Variants in EYA4 observed in about 807,000 individuals in gnomAD.
EYA4 encodes protein phosphatase EYA4.
A neutral mutation model predicts 87.9 loss-of-function variants in EYA4; 31 were observed. The observed-to-expected ratio is 0.35, with a 90% confidence interval of 0.27 to 0.48. The LOEUF (loss-of-function observed/expected upper bound fraction) is 0.48, where lower values mean the gene tolerates loss of function less well. Ranked by LOEUF, EYA4 falls within the 20% of genes least tolerant of loss-of-function variation. The pLI is 0.99. For synonymous variants in EYA4, 263 were observed against 270.6 expected, an observed-to-expected ratio of 0.97 and a Z score of 0.28; for missense variants, 678 against 761.4, an observed-to-expected ratio of 0.89 and a Z score of 1.29.
In EYA4 at chr6:133,327,490, T is replaced by G. The variant is rs374791712; in HGVS notation, c.33+52677T>G. ...GTGCTCAAAGATAGTCAAAATAAAT[T>G]AAAGCCATATAAAAGGACCAGTAGG... On this transcript the variant is annotated intron_variant, in intron 2 of 19. Coordinates refer to ENST00000355286, the MANE Select transcript of EYA4 (RefSeq NM_004100.5). Among the ~76,000 whole-genome samples, 43 of 152,220 alleles carry G rather than the reference T, an allele frequency of 2.8e-4. 1 individual carries two copies. In the South Asian group the frequency reaches 8.7e-3, roughly 31 times the overall value.
chr6:133,503,161 C>A (rs1798286632), intron 13 of EYA4, among the ~76,000 whole-genome samples: 1 of 152,134 alleles, frequency 6.6e-6, no homozygotes, highest in Non-Finnish European at 1.5e-5. Flanking sequence ...TGTTTGCATG[C>A]TTATCAGATG....
At chr6:133,465,961 TA>T (rs1192735857) in intron 10 of EYA4, among the ~76,000 whole-genome samples, 3 of 152,176 alleles carry the variant, frequency 2.0e-5, no homozygotes. Context: ...TTTTATTTTT[TA>T]AAATTGAGGT....
At chr6:133,331,824 G>A (rs988685613) in intron 2 of EYA4, among the ~76,000 whole-genome samples, 5 of 152,154 alleles carry the variant, frequency 3.3e-5, no homozygotes, top group African/African-American at 1.2e-4. Context: ...GTAATTTGGG[G>A]GTAAATTCCT....
At chr6:133,522,466 A>C (rs964198736) in intron 17 of EYA4, among the ~76,000 whole-genome samples, 1 of 152,124 alleles carries the variant, frequency 6.6e-6, no homozygotes, top group African/African-American at 2.4e-5. Context: ...TAGAATACAA[A>C]ATTGAATATA....
intron 14 of EYA4, chr6:133,510,305 A>C (rs1799035307): frequency 6.5e-6 from 1 of 154,666 alleles, no homozygotes; most frequent in African/African-American, 2.4e-5. Flanking sequence ...AGAAACACAG[A>C]AGTTATTTAC....
chr6:133,419,714 A>T (rs1790054598), intron 3 of EYA4, among the ~76,000 whole-genome samples: 1 of 152,222 alleles, frequency 6.6e-6, no homozygotes, highest in Non-Finnish European at 1.5e-5. Context: ...CCACCAAAAA[A>T]GTCTGTGCAA....
intron 3 of EYA4, among the ~76,000 whole-genome samples, chr6:133,423,178 G>A (rs560666945): frequency 3.3e-5 from 5 of 152,286 alleles, no homozygotes; most frequent in African/African-American, 1.2e-4. Context: ...AAAGGGGAAG[G>A]AGAGAGGGAA....
chr6:133,325,710 C>T (rs1327700509), intron 2 of EYA4, among the ~76,000 whole-genome samples: 1 of 152,138 alleles, frequency 6.6e-6, no homozygotes, highest in Admixed American at 6.5e-5. Context: ...CAGGGGTCAG[C>T]AGATGTTTTT....
chr6:133,445,143 T>C (rs1459519677), intron 3 of EYA4, among the ~76,000 whole-genome samples: 1 of 152,162 alleles, frequency 6.6e-6, no homozygotes, highest in Admixed American at 6.5e-5. Context: ...GATTACTCCA[T>C]GTACCCTAAA....
chr6:133,353,768 G>A (rs1273186521), intron 2 of EYA4, among the ~76,000 whole-genome samples: 1 of 152,162 alleles, frequency 6.6e-6, no homozygotes, highest in African/African-American at 2.4e-5. Flanking sequence ...TTACGTAAGG[G>A]TGGAGAGTAT....
chr6:133,243,028 G>A (rs1337445393), intron 1 of EYA4, among the ~76,000 whole-genome samples: 1 of 151,974 alleles, frequency 6.6e-6, no homozygotes, highest in Non-Finnish European at 1.5e-5. Context: ...TTTCTGCCAA[G>A]GTGCAGAATA....
rs369730015 is a variant in EYA4 at position 133,400,508 on chromosome 6, GA to G, written c.83+18078del. On this transcript the variant is annotated intron_variant, in intron 3 of 19. Coordinates refer to ENST00000355286, the MANE Select transcript of EYA4 (RefSeq NM_004100.5). The stretch of plus-strand genomic sequence containing the variant: ...GGGTGACAAAGCAAGACTCTGTCTT[GA>G]AAAAAAAAAAGAAAAAAAAAATTAT... 1.1e-3 allele frequency among the ~76,000 whole-genome samples: 142 copies of G among 135,210 alleles called. 1 individual carries two copies. Among genetic ancestry groups the G allele is most frequent in the African/African-American group, 3.1e-3 (115 of 36,876 alleles). 88.7% of individuals were successfully genotyped at this position (135,210 alleles called of 152,430 possible).
chr6:133,352,347 G>A (rs1284499759), intron 2 of EYA4, among the ~76,000 whole-genome samples: 1 of 148,482 alleles, frequency 6.7e-6, no homozygotes, highest in Admixed American at 6.7e-5. Context: ...TCAAAAGGAA[G>A]TTTGTGTTGA....
intron 13 of EYA4, among the ~76,000 whole-genome samples, chr6:133,487,316 TTC>T (rs1796765528): frequency 1.3e-5 from 2 of 152,146 alleles, no homozygotes; most frequent in African/African-American, 4.8e-5. Context: ...AGGACCGCAA[TTC>T]CTGGACAAGT....
At chr6:133,449,434 A>C (rs1430369651) in intron 5 of EYA4, among the ~76,000 whole-genome samples, 1 of 152,238 alleles carries the variant, frequency 6.6e-6, no homozygotes, top group Non-Finnish European at 1.5e-5. Flanking sequence ...GCAACATTAT[A>C]ATAGTGAATA....
At chr6:133,310,981 G>A (rs1462121816) in intron 2 of EYA4, among the ~76,000 whole-genome samples, 1 of 152,140 alleles carries the variant, frequency 6.6e-6, no homozygotes, top group Non-Finnish European at 1.5e-5. Context: ...TCTCATAAGA[G>A]CTCAGACTTT....
chr6:133,328,097 C>T (rs998361084), intron 2 of EYA4, among the ~76,000 whole-genome samples: 1 of 152,136 alleles, frequency 6.6e-6, no homozygotes, highest in Non-Finnish European at 1.5e-5. Context: ...AGTCAGACTA[C>T]CTGATGTTAA....
chr6:133,432,551 G>A (rs144780278), intron 3 of EYA4, among the ~76,000 whole-genome samples: 39 of 151,630 alleles, frequency 2.6e-4, no homozygotes, highest in African/African-American at 9.2e-4. Flanking sequence ...CAGTGAGGGA[G>A]TTCCCTGACA....
intron 2 of EYA4, among the ~76,000 whole-genome samples, chr6:133,357,475 T>C (rs548316257): frequency 1.3e-5 from 2 of 152,262 alleles, no homozygotes; most frequent in East Asian, 3.9e-4. Context: ...TCTAATTAAA[T>C]TATGGTACCT....
Sources: gnomAD v4.1 joint callset for allele counts (sites outside exome capture counted in the v4.1 genomes callset) on GRCh38, gnomAD v4.1.1 for gene constraint, MANE v1.5 for transcripts, NCBI Gene and HGNC (gene_info 2026-07-23, HGNC 2026-07-21) for gene names.